NLRP4: variants seen among roughly 807,000 people sequenced by gnomAD.
NLRP4 encodes NACHT, LRR and PYD domains-containing protein 4.
A neutral mutation model predicts 84.7 loss-of-function variants in NLRP4; 44 were observed. That is an observed-to-expected ratio of 0.52 (90% CI 0.41 to 0.67). The LOEUF (loss-of-function observed/expected upper bound fraction) is 0.67. NLRP4 is among the 30% of genes least tolerant of loss of function. The pLI, the probability that NLRP4 is intolerant of heterozygous loss-of-function variation, is 0.00. For synonymous variants in NLRP4, 544 were observed against 476.4 expected, an observed-to-expected ratio of 1.14 and a Z score of -1.85; for missense variants, 1,260 against 1,219.4, an observed-to-expected ratio of 1.03 and a Z score of -0.50.
intron 1 of NLRP4, among the ~76,000 whole-genome samples, chr19:55,851,572 G>A (rs1196847551): frequency 8.3e-6 from 1 of 121,112 alleles, no homozygotes; most frequent in Non-Finnish European, 1.7e-5. Context: ...TGTAATGTCC[G>A]AGGCTGCGGT....
chr19:55,851,679 CGG>C (rs1984157771), intron 1 of NLRP4, among the ~76,000 whole-genome samples: 1 of 148,036 alleles, frequency 6.8e-6, no homozygotes, highest in Non-Finnish European at 1.5e-5. Context: ...TCCGAGGCTG[CGG>C]TGTAATGTCC....
At chr19:55,859,942 AAAAAAAAAAAC>A (rs1278730324) in intron 3 of NLRP4, among the ~76,000 whole-genome samples, 6,668 of 138,416 alleles carry the variant, frequency 0.048, 388 homozygotes, top group Non-Finnish European at 0.082. Flanking sequence ...AAAAAAAAAA[AAAAAAAAAAAC>A]AAAACACAAA....
At chr19:55,856,431 C>T (rs867784944) in intron 2 of NLRP4, among the ~76,000 whole-genome samples, 21 of 151,786 alleles carry the variant, frequency 1.4e-4, no homozygotes, top group African/African-American at 4.6e-4. Flanking sequence ...GAGGGCCAAT[C>T]GCAGAACTTA....
intron 1 of NLRP4, among the ~76,000 whole-genome samples, chr19:55,847,507 T>C (rs866305256): frequency 1.3e-5 from 2 of 152,198 alleles, no homozygotes; most frequent in Admixed American, 6.6e-5. Context: ...TTGCCCTATG[T>C]TTTTAGTATC....
At position 55,877,009 on chromosome 19, in the gene NLRP4, T is replaced by G. The variant is rs1439363382; in HGVS notation, c.2539T>G (p.Phe847Val). Residue 847 changes from phenylalanine (F) to valine (V), a missense_variant, in exon 8 of 10, where the codon TTT becomes GTT. By Grantham distance (50) the Phe-to-Val change is conservative. This residue lies in a region of NLRP4 where 544 missense variants were observed against 531.7 expected (regional missense o/e 1.02). Coordinates refer to ENST00000301295, the MANE Select transcript of NLRP4 (RefSeq NM_134444.5). ...ACTCCTTTGCAGTTTGGTAAAATGT[T>G]TTATCACTGCTGCTGGCTGTGAAGA... ...CLDSLCLVKC[F>V]ITAAGCEDLA... The G allele has an allele frequency of 6.2e-7, 1 of 1,613,682 alleles. No individual in the cohort carries two copies. Among genetic ancestry groups the G allele is most frequent in the Non-Finnish European group, 8.5e-7 (1 of 1,179,682 alleles).
chr19:55,870,818 T>G lies in NLRP4; in HGVS notation c.2355-9T>G. On this transcript the variant is annotated splice_polypyrimidine_tract_variant and intron_variant, in intron 6 of 9. Transcript: ENST00000301295. Reference sequence around the variant, plus strand: ...CTTCACTCTCCTTCTCGTGTTTTTGTCCCCATAGGTTGGCTTTCTGCCACC... The same window carrying G: ...CTTCACTCTCCTTCTCGTGTTTTTGGCCCCATAGGTTGGCTTTCTGCCACC... The G allele has an allele frequency of 6.2e-7, 1 of 1,609,348 alleles. No homozygotes were observed. The highest frequency in any genetic ancestry group is 8.5e-7 in the Non-Finnish European group (1 of 1,175,978).
intron 1 of NLRP4, among the ~76,000 whole-genome samples, chr19:55,846,320 T>A (rs754928783): frequency 6.6e-6 from 1 of 152,182 alleles, no homozygotes; most frequent in African/African-American, 2.4e-5. Flanking sequence ...CTGTCAAAGA[T>A]CAGATAGTTG....
intron 1 of NLRP4, among the ~76,000 whole-genome samples, chr19:55,846,746 C>A (rs943885092): frequency 6.6e-6 from 1 of 152,040 alleles, no homozygotes; most frequent in African/African-American, 2.4e-5. Context: ...GAAGTATTGC[C>A]TTAGGTGCTC....
intron 7 of NLRP4, 145 bp downstream of exon 7, chr19:55,871,142 G>A: frequency 1.5e-6 from 1 of 664,248 alleles, no homozygotes; most frequent in Admixed American, 2.9e-5. Flanking sequence ...TCAGATTCTT[G>A]TCGAGACGTT....
In NLRP4 at chr19:55,848,677, C is replaced by G. The variant is rs556754241; in HGVS notation, c.-65-3339C>G. Reference sequence around the variant, plus strand: ...TCGGCTTCCCAAAGTGCTAGGATTACAGGCGTGAGCCACCATGCCCGGCTG... The same window carrying G: ...TCGGCTTCCCAAAGTGCTAGGATTAGAGGCGTGAGCCACCATGCCCGGCTG... On this transcript the variant is annotated intron_variant, in intron 1 of 9. Transcript: ENST00000301295. Among the ~76,000 whole-genome samples the G allele has an allele frequency of 7.2e-5, 11 of 152,336 alleles. No homozygotes were observed. In the South Asian group the frequency reaches 2.3e-3, roughly 32 times the overall value.
intron 1 of NLRP4, among the ~76,000 whole-genome samples, chr19:55,839,777 T>G (rs1394891054): frequency 2.0e-5 from 3 of 152,184 alleles, no homozygotes; most frequent in Non-Finnish European, 4.4e-5. Context: ...TTTTTCTACT[T>G]TCTTTTGGTG....
chr19:55,860,363 C>T (rs149260990), intron 3 of NLRP4, among the ~76,000 whole-genome samples: 8 of 152,210 alleles, frequency 5.3e-5, no homozygotes, highest in African/African-American at 1.7e-4. Context: ...ATGCTTGAAG[C>T]CAGGGGGCTA....
intron 1 of NLRP4, among the ~76,000 whole-genome samples, chr19:55,851,688 G>GAGGCTGCGGTGTAATT (rs1568660099): frequency 1.6e-5 from 1 of 61,716 alleles, no homozygotes; most frequent in East Asian, 6.2e-4. Flanking sequence ...GCGGTGTAAT[G>GAGGCTGCGGTGTAATT]TCCGAGGCTG....
intron 1 of NLRP4, among the ~76,000 whole-genome samples, chr19:55,838,035 C>CCAA (rs59078329): frequency 6.4e-4 from 85 of 132,388 alleles, no homozygotes; most frequent in African/African-American, 1.0e-3. Context: ...GACTCGGTCT[C>CCAA]AAGCTGGATG....
intron 6 of NLRP4, among the ~76,000 whole-genome samples, chr19:55,868,868 A>G (rs1985064619): frequency 6.6e-6 from 1 of 152,192 alleles, no homozygotes; most frequent in Non-Finnish European, 1.5e-5. Flanking sequence ...ATTTTGAAAT[A>G]TGAACAACAT....
intron 7 of NLRP4, among the ~76,000 whole-genome samples, chr19:55,872,828 G>A (rs532902699): frequency 2.4e-4 from 36 of 152,206 alleles, no homozygotes; most frequent in African/African-American, 5.8e-4. Flanking sequence ...CCAAATAAGC[G>A]CTTAACAGGA....
At position 55,857,712 on chromosome 19, in the gene NLRP4, T is replaced by C; in HGVS notation, c.319T>C (p.Phe107Leu). The C allele has an allele frequency of 6.2e-7, 1 of 1,613,780 alleles. No homozygotes were observed. The highest frequency in any genetic ancestry group is 1.1e-5 in the South Asian group (1 of 91,074). ...KTYQAHAKQK[F>L]SRLWSSKSVT... ...CTATCAAGCTCACGCAAAGCAGAAA[T>C]TCAGCCGCTTATGGTCCAGCAAGTC... The change falls in exon 3 of 10, where the codon TTC (phenylalanine) becomes CTC (leucine). Residue 107 changes from phenylalanine (F) to leucine (L), a missense_variant. Phe to Leu is a conservative substitution (Grantham distance 22). Around this residue, in one of 3 missense-constraint regions of NLRP4, gnomAD observed 712 missense variants for 669.2 expected, o/e 1.06. Transcript: ENST00000301295.
chr19:55,855,760 C>G (rs1250169614), intron 2 of NLRP4, among the ~76,000 whole-genome samples: 1 of 152,248 alleles, frequency 6.6e-6, no homozygotes, highest in Non-Finnish European at 1.5e-5. Context: ...ATTTAAGGAA[C>G]AGATAACTGT....
intron 6 of NLRP4, among the ~76,000 whole-genome samples, chr19:55,869,618 A>G (rs1178557569): frequency 2.6e-5 from 4 of 152,086 alleles, no homozygotes; most frequent in Non-Finnish European, 4.4e-5. Flanking sequence ...TTTACATACA[A>G]TTTTACTGAT....
Sources: allele counts gnomAD v4.1 joint callset (sites outside exome capture counted in the v4.1 genomes callset), GRCh38; gene constraint gnomAD v4.1.1; regional missense constraint gnomAD v4.1.1; transcripts MANE v1.5; gene names NCBI Gene and HGNC (gene_info 2026-07-23, HGNC 2026-07-21).